The following GPHN variants were observed in gnomAD, a reference collection of about 807,000 sequenced individuals.
The protein encoded by GPHN is gephyrin.
Under a neutral mutation model 95.5 loss-of-function variants are expected in GPHN, and 17 were observed. That is an observed-to-expected ratio of 0.18 (90% CI 0.12 to 0.27). The LOEUF (loss-of-function observed/expected upper bound fraction) is 0.27, where lower values mean the gene tolerates loss of function less well. GPHN is among the 10% of genes least tolerant of loss of function. The pLI, the probability that GPHN is intolerant of heterozygous loss-of-function variation, is 1.00. For synonymous variants in GPHN, 320 were observed against 322.5 expected, an observed-to-expected ratio of 0.99 and a Z score of 0.08; for missense variants, 660 against 978.1, an observed-to-expected ratio of 0.67 and a Z score of 4.34.
chr14:67,570,272 CT>C, the GPHN span: 4 of 950,066 alleles, frequency 4.2e-6, no homozygotes, highest in Non-Finnish European at 5.0e-6. Flanking sequence ...CTCTCCCCAC[CT>C]TTTCTCATGT....
At chr14:67,473,264 C>T in the GPHN span, 7 of 1,015,568 alleles carry the variant, frequency 6.9e-6, no homozygotes, top group Non-Finnish European at 8.5e-6. The surrounding 1 kb of genome is among the most constrained non-coding windows in gnomAD (Gnocchi z 6.5). Context: ...CCCCCAACAC[C>T]GGCCCCCGCG....
At chr14:67,578,770 T>C in the GPHN span, 10 of 679,976 alleles carry the variant, frequency 1.5e-5, no homozygotes, top group Non-Finnish European at 2.4e-5. The surrounding 1 kb of genome is among the most constrained non-coding windows in gnomAD (Gnocchi z 5.0). Flanking sequence ...ACTTCACCCA[T>C]TGCCGTGTGC....
chr14:67,393,019 G>A, the GPHN span: 1 of 880,156 alleles, frequency 1.1e-6, no homozygotes, highest in African/African-American at 1.6e-5. Context: ...CCCACACATG[G>A]CCATCTCAGG....
chr14:66,902,634 T>C (rs2065176524), intron 5 of GPHN, among the ~76,000 whole-genome samples: 1 of 152,126 alleles, frequency 6.6e-6, no homozygotes, highest in Admixed American at 6.6e-5. Context: ...TCATAGGGTC[T>C]TTATTCTTGG....
chr14:66,720,410 T>A (rs1036070773), intron 2 of GPHN, among the ~76,000 whole-genome samples: 1 of 152,062 alleles, frequency 6.6e-6, no homozygotes, highest in Non-Finnish European at 1.5e-5. Flanking sequence ...AAAAATTTGC[T>A]GGGGGTGGTT....
At chr14:67,579,699 T>G in the GPHN span, 1 of 1,609,144 alleles carries the variant, frequency 6.2e-7, no homozygotes, top group East Asian at 2.2e-5. Flanking sequence ...CACTCAGGGT[T>G]GGAACTCTTC....
At chr14:67,580,052 A>C in the GPHN span, 2 of 609,234 alleles carry the variant, frequency 3.3e-6, no homozygotes, top group Non-Finnish European at 5.7e-6. Context: ...GCAGGGAGAA[A>C]AAAGCTGTTG....
rs561079628 is a variant in GPHN at position 66,649,045 on chromosome 14, G to T, written c.65-32062G>T. On this transcript the variant is annotated intron_variant, in intron 1 of 22. Transcript: ENST00000478722. ...GGTAATACAGTTAATATAAAAATCA[G>T]GGTTGGCTGGGTGTGGTGGCTCACG... Among the ~76,000 whole-genome samples, 254 of 152,272 alleles carry T rather than the reference G, an allele frequency of 1.7e-3. 1 individual carries two copies. The highest frequency in any genetic ancestry group is 2.5e-3 in the Non-Finnish European group (173 of 68,004).
At chr14:67,046,630 A>AT (rs1170313751) in intron 10 of GPHN, among the ~76,000 whole-genome samples, 1 of 152,164 alleles carries the variant, frequency 6.6e-6, no homozygotes, top group African/African-American at 2.4e-5. Flanking sequence ...GAACTTCCAT[A>AT]TTTTTTAATC....
the GPHN span, chr14:67,651,102 G>T: frequency 1.2e-4 from 110 of 913,488 alleles, no homozygotes; most frequent in Middle Eastern, 1.5e-3. Flanking sequence ...AATGTATTTG[G>T]TTTTTTGCAG....
intron 1 of GPHN, among the ~76,000 whole-genome samples, chr14:66,537,638 A>C (rs759671404): frequency 1.7e-4 from 26 of 152,132 alleles, no homozygotes; most frequent in Middle Eastern, 3.4e-3. Flanking sequence ...TACCCTTTCT[A>C]ATGCTCATAA....
chr14:67,354,333 G>C, the GPHN span, among the ~76,000 whole-genome samples: 1 of 152,138 alleles, frequency 6.6e-6, no homozygotes, highest in South Asian at 2.1e-4. Flanking sequence ...TGATTTGTAA[G>C]TTAAAATAAT....
chr14:66,543,808 G>A (rs2059436999), intron 1 of GPHN, among the ~76,000 whole-genome samples: 1 of 152,066 alleles, frequency 6.6e-6, no homozygotes. Flanking sequence ...CCATTACCCT[G>A]GTTCAAACCA....
At chr14:66,960,299 G>A (rs1481990163) in intron 8 of GPHN, among the ~76,000 whole-genome samples, 1 of 127,584 alleles carries the variant, frequency 7.8e-6, no homozygotes, top group African/African-American at 3.5e-5. Context: ...TTTTCCCTGT[G>A]TACAGGTTAT....
intron 1 of GPHN, among the ~76,000 whole-genome samples, chr14:66,649,477 A>G (rs1461792122): frequency 1.3e-5 from 2 of 151,966 alleles, no homozygotes. Context: ...ATTTACAGCC[A>G]CTCCCCACTG....
the GPHN span, among the ~76,000 whole-genome samples, chr14:67,371,731 T>C: frequency 3.3e-5 from 5 of 152,286 alleles, no homozygotes; most frequent in South Asian, 1.0e-3. Flanking sequence ...TGCTGCTATA[T>C]ATGCAATCTA....
At chr14:67,128,688 G>A (rs1428960396) in intron 17 of GPHN, among the ~76,000 whole-genome samples, 7 of 152,218 alleles carry the variant, frequency 4.6e-5, no homozygotes, top group East Asian at 1.9e-4. Flanking sequence ...TCTAATCCCA[G>A]CACTTTGGGA....
the GPHN span, among the ~76,000 whole-genome samples, chr14:67,595,409 G>A: frequency 6.6e-6 from 1 of 152,216 alleles, no homozygotes; most frequent in African/African-American, 2.4e-5. Context: ...GGAACCATCT[G>A]TATATAGTGC....
At chr14:66,824,122 G>A (rs531911731) in intron 3 of GPHN, among the ~76,000 whole-genome samples, 95 of 152,252 alleles carry the variant, frequency 6.2e-4, no homozygotes, top group South Asian at 1.2e-3. Flanking sequence ...TTTATGACAT[G>A]TAATTCTAAT....
Sources: allele counts gnomAD v4.1 joint callset (sites outside exome capture counted in the v4.1 genomes callset), GRCh38; gene constraint gnomAD v4.1.1; non-coding constraint Gnocchi (gnomAD v3.1); transcripts MANE v1.5; gene names NCBI Gene and HGNC (gene_info 2026-07-23, HGNC 2026-07-21).